The following SPOCK1 variants were observed in gnomAD, a reference collection of about 807,000 sequenced individuals.
SPOCK1 encodes testican-1.
In SPOCK1, 23 loss-of-function variants were observed where a neutral mutation model predicts 55.3. The observed-to-expected ratio is 0.42, with a 90% CI of 0.30 to 0.59. SPOCK1 has a LOEUF of 0.59. Ranked by LOEUF, SPOCK1 falls within the 20% of genes least tolerant of loss-of-function variation. The pLI is 0.22. For missense variants in SPOCK1, 499 were observed against 552.5 expected (o/e 0.90, Z 0.97); for synonymous variants, 226 against 221.0 (o/e 1.02, Z -0.20).
At chr5:137,431,893 A>G (rs1752753163) in intron 2 of SPOCK1, among the ~76,000 whole-genome samples, 1 of 152,198 alleles carries the variant, frequency 6.6e-6, no homozygotes, top group South Asian at 2.1e-4. Flanking sequence ...TTGGTATTCT[A>G]TCACAGCAAC....
At chr5:137,356,839 A>ATATATG (rs1750825906) in intron 2 of SPOCK1, among the ~76,000 whole-genome samples, 2 of 31,818 alleles carry the variant, frequency 6.3e-5, no homozygotes, top group Non-Finnish European at 1.4e-4. Context: ...ATATATATAT[A>ATATATG]GAGAGAGAGA....
At chr5:137,000,366 A>G (rs1751126331) in intron 6 of SPOCK1, among the ~76,000 whole-genome samples, 1 of 152,170 alleles carries the variant, frequency 6.6e-6, no homozygotes, top group Admixed American at 6.5e-5. Flanking sequence ...GTCTGGGTTC[A>G]AGCAAACACA....
intron 2 of SPOCK1, among the ~76,000 whole-genome samples, chr5:137,342,642 C>T (rs1275193726): frequency 6.6e-6 from 1 of 152,138 alleles, no homozygotes; most frequent in African/African-American, 2.4e-5. Flanking sequence ...AGGGTCTTCA[C>T]AGGTTATTTA....
At chr5:137,339,744 C>T (rs911118804) in intron 2 of SPOCK1, among the ~76,000 whole-genome samples, 1 of 152,102 alleles carries the variant, frequency 6.6e-6, no homozygotes, top group Non-Finnish European at 1.5e-5. Context: ...CAAGCAGAGA[C>T]ACCCAGATAA....
intron 2 of SPOCK1, among the ~76,000 whole-genome samples, chr5:137,449,407 T>A (rs1753201759): frequency 6.6e-6 from 1 of 152,240 alleles, no homozygotes; most frequent in African/African-American, 2.4e-5. Context: ...AGTTTTAACA[T>A]TAGCTCTGCT....
intron 2 of SPOCK1, among the ~76,000 whole-genome samples, chr5:137,494,739 A>G (rs1284441036): frequency 1.3e-5 from 2 of 152,258 alleles, no homozygotes; most frequent in African/African-American, 4.8e-5. Context: ...AAGAGATTAC[A>G]TGTATTTATC....
chr5:137,207,198 C>T (rs73304877), intron 3 of SPOCK1, among the ~76,000 whole-genome samples: 1,578 of 152,308 alleles, frequency 0.01, 40 homozygotes, highest in African/African-American at 0.036. Context: ...GTTCCTTCCA[C>T]GCCTGTCACC....
intron 4 of SPOCK1, among the ~76,000 whole-genome samples, chr5:137,125,583 A>C (rs1372252819): frequency 6.6e-6 from 1 of 152,122 alleles, no homozygotes; most frequent in Non-Finnish European, 1.5e-5. Flanking sequence ...GACACAATGA[A>C]AAAATGTCCT....
intron 6 of SPOCK1, among the ~76,000 whole-genome samples, chr5:136,998,373 G>A (rs1751087278): frequency 1.3e-5 from 2 of 152,188 alleles, no homozygotes; most frequent in Admixed American, 6.5e-5. Flanking sequence ...TGTAGTAGTT[G>A]TTCAAAAATA....
chr5:137,132,170 G>T (rs1753898534), intron 4 of SPOCK1, among the ~76,000 whole-genome samples: 1 of 69,160 alleles, frequency 1.4e-5, no homozygotes, highest in Non-Finnish European at 2.7e-5. Context: ...ACAAGACTCT[G>T]TCTCAAAAAA....
intron 2 of SPOCK1, among the ~76,000 whole-genome samples, chr5:137,456,640 T>C (rs1324788377): frequency 6.6e-6 from 1 of 152,160 alleles, no homozygotes; most frequent in Non-Finnish European, 1.5e-5. Context: ...TGGGAATGTA[T>C]ATGAAAGGAG....
chr5:137,058,259 G>T lies in SPOCK1; in HGVS notation c.589+9456C>A, dbSNP rs116330480. Among the ~76,000 whole-genome samples, 1,221 of 152,256 alleles carry T rather than the reference G, an allele frequency of 8.0e-3. 16 individuals are homozygous for T. The highest frequency in any genetic ancestry group is 0.028 in the African/African-American group (1,155 of 41,544). On this transcript the variant is annotated intron_variant, in intron 6 of 10. Coordinates refer to ENST00000394945, the MANE Select transcript of SPOCK1 (RefSeq NM_004598.4). ...GGGTAAGAGCACAAGTTCCAGAAAA[G>T]GTTTCAGATCCCTGTTCTGTCATCT...
intron 2 of SPOCK1, among the ~76,000 whole-genome samples, chr5:137,391,447 A>G (rs535595984): frequency 4.6e-5 from 7 of 152,262 alleles, no homozygotes; most frequent in South Asian, 2.1e-4. Flanking sequence ...ACCCAGCAAT[A>G]CAGGCTACCT....
chr5:137,301,982 C>A (rs573106838), intron 2 of SPOCK1, among the ~76,000 whole-genome samples: 7 of 152,088 alleles, frequency 4.6e-5, no homozygotes, highest in Non-Finnish European at 1.0e-4. Flanking sequence ...AGGGTCATGG[C>A]GCTTCTAAAA....
intron 2 of SPOCK1, among the ~76,000 whole-genome samples, chr5:137,272,484 A>G (rs1756983307): frequency 2.0e-5 from 3 of 152,192 alleles, no homozygotes; most frequent in Non-Finnish European, 2.9e-5. Flanking sequence ...AGCTAGCATC[A>G]CACACAACTA....
chr5:137,431,052 G>A (rs1225681978), intron 2 of SPOCK1, among the ~76,000 whole-genome samples: 2 of 152,136 alleles, frequency 1.3e-5, no homozygotes, highest in African/African-American at 4.8e-5. Flanking sequence ...AATGTTTGGG[G>A]CTGTAACAGC....
In SPOCK1 at chr5:137,274,346, G is replaced by A. The variant is rs916415626; in HGVS notation, c.187-7291C>T. 8.5e-4 allele frequency among the ~76,000 whole-genome samples: 129 copies of A among 152,338 alleles called. 1 individual carries two copies. Among genetic ancestry groups the A allele is most frequent in the African/African-American group, 2.8e-3 (116 of 41,592 alleles). On this transcript the variant is annotated intron_variant, in intron 2 of 10. Coordinates refer to ENST00000394945, the MANE Select transcript of SPOCK1 (RefSeq NM_004598.4). ...AGATACTGTAAACATGGCAGGCTTT[G>A]AAGCAGATGTGGGTTCAAATTCTGG...
chr5:137,384,347 T>C (rs1385891553), intron 2 of SPOCK1, among the ~76,000 whole-genome samples: 2 of 152,198 alleles, frequency 1.3e-5, no homozygotes, highest in Non-Finnish European at 2.9e-5. Context: ...AACCCTGCTC[T>C]ACCAGTCTAA....
At chr5:137,136,969 G>A (rs1349239778) in intron 4 of SPOCK1, among the ~76,000 whole-genome samples, 1 of 152,210 alleles carries the variant, frequency 6.6e-6, no homozygotes. Context: ...GGGAGGGCTG[G>A]CTGCCTTGCT....
Sources: gnomAD v4.1 joint callset for allele counts (sites outside exome capture counted in the v4.1 genomes callset) on GRCh38, gnomAD v4.1.1 for gene constraint, MANE v1.5 for transcripts, NCBI Gene and HGNC (gene_info 2026-07-23, HGNC 2026-07-21) for gene names.